Variants in AFAP1 observed in about 807,000 individuals in gnomAD.
The protein encoded by AFAP1 is actin filament-associated protein 1.
In AFAP1, 75 loss-of-function variants were observed where a neutral mutation model predicts 93.9. That is an observed-to-expected ratio of 0.80 (90% CI 0.66 to 0.97). The LOEUF is 0.97. AFAP1 is among the 50% of genes least tolerant of loss of function. The pLI is 0.00. For missense variants in AFAP1, 1,201 were observed against 1,050.8 expected, an observed-to-expected ratio of 1.14 and a Z score of -1.98; for synonymous variants, 517 against 430.7, an observed-to-expected ratio of 1.20 and a Z score of -2.48.
At chr4:7,787,691 G>A (rs1717432460) in intron 11 of AFAP1, among the ~76,000 whole-genome samples, 1 of 152,146 alleles carries the variant, frequency 6.6e-6, no homozygotes, top group South Asian at 2.1e-4. Flanking sequence ...TGAGGGAACG[G>A]CTCACTCCCC....
intron 8 of AFAP1, among the ~76,000 whole-genome samples, chr4:7,812,808 G>T (rs1441210226): frequency 6.6e-6 from 1 of 152,178 alleles, no homozygotes; most frequent in African/African-American, 2.4e-5. Flanking sequence ...TATTATTTAG[G>T]CTACTGGGAG....
At position 7,768,974 on chromosome 4, in the gene AFAP1, G is replaced by A. The variant is rs559522095; in HGVS notation, c.2288C>T (p.Ser763Leu). The A allele has an allele frequency of 2.3e-5, 37 of 1,613,610 alleles. No homozygotes were observed. In the African/African-American group the frequency reaches 2.9e-4, roughly 13 times the overall value. ...ACTGGTGTCACAGCTGGAGATGGGCGAGTTTTCCAGGGTCCGGTGCCGGAA... is the reference window on the plus strand; with the variant it reads ...ACTGGTGTCACAGCTGGAGATGGGCAAGTTTTCCAGGGTCCGGTGCCGGAA... ...PVFRHRTLEN[S>L]PISSCDTSDT... is the part of the protein sequence containing the mutation. Residue 763 changes from serine (S) to leucine (L), a missense_variant, in exon 17 of 18, where the codon TCG (serine) becomes TTG (leucine). By Grantham distance (145) the Ser-to-Leu change is moderately radical. Coordinates refer to ENST00000420658, the MANE Select transcript of AFAP1 (RefSeq NM_001134647.2).
At position 7,839,173 on chromosome 4, in the gene AFAP1, A is replaced by G. The variant is rs140760109; in HGVS notation, c.547-470T>C. On this transcript the variant is annotated intron_variant, in intron 5 of 17. Transcript: ENST00000420658. ...AACATGAAGAAACCCCATCTCTACC[A>G]AAAACATAAAAAATTAGCCAGGCAT... Among the ~76,000 whole-genome samples, 206 of 152,066 alleles carry G rather than the reference A, an allele frequency of 1.4e-3. 1 individual carries two copies. In the East Asian group the frequency reaches 0.034, roughly 25 times the overall value.
intron 4 of AFAP1, among the ~76,000 whole-genome samples, chr4:7,854,566 A>G (rs1048618174): frequency 1.3e-5 from 2 of 152,208 alleles, no homozygotes; most frequent in African/African-American, 2.4e-5. Context: ...CAAAGTCTCT[A>G]TGTGGCAGGT....
chr4:7,896,556 G>C (rs1363756406), intron 1 of AFAP1, among the ~76,000 whole-genome samples: 1 of 142,854 alleles, frequency 7.0e-6, no homozygotes, highest in African/African-American at 2.6e-5. Context: ...CCAGGGCTCA[G>C]TCCTCACTCC....
chr4:7,880,694 C>CA (rs1246625916), intron 1 of AFAP1, among the ~76,000 whole-genome samples: 1 of 152,204 alleles, frequency 6.6e-6, no homozygotes. Flanking sequence ...GACCGCCAGT[C>CA]AAAGCGTTCC....
intron 17 of AFAP1, among the ~76,000 whole-genome samples, chr4:7,765,509 C>A (rs1357569317): frequency 6.6e-6 from 1 of 152,240 alleles, no homozygotes; most frequent in Non-Finnish European, 1.5e-5. Context: ...TCTTCCTTTC[C>A]ATCCATTCAT....
At chr4:7,827,686 AC>A (rs1420233915) in intron 6 of AFAP1, among the ~76,000 whole-genome samples, 1 of 151,684 alleles carries the variant, frequency 6.6e-6, no homozygotes, top group Non-Finnish European at 1.5e-5. Flanking sequence ...AAGAAGCACA[AC>A]CAACCCTGAG....
intron 9 of AFAP1, among the ~76,000 whole-genome samples, chr4:7,801,087 G>GA (rs1431904539): frequency 6.6e-6 from 1 of 151,740 alleles, no homozygotes; most frequent in Non-Finnish European, 1.5e-5. Flanking sequence ...AAGAGTCACA[G>GA]GCAGGCAGAT....
At chr4:7,769,316 T>C (rs1008101147) in intron 16 of AFAP1, among the ~76,000 whole-genome samples, 7 of 152,156 alleles carry the variant, frequency 4.6e-5, no homozygotes, top group Non-Finnish European at 5.9e-5. Context: ...GCTGGGCTCT[T>C]GCATGCAGCT....
At position 7,868,632 on chromosome 4, in the gene AFAP1, T is replaced by G; in HGVS notation, c.215A>C (p.Gln72Pro). Residue 72 changes from glutamine (Q) to proline (P), a missense_variant, in exon 3 of 18, where the codon CAG (glutamine) becomes CCG (proline). Physicochemically the swap from Gln to Pro is moderately conservative, Grantham distance 76. Coordinates refer to ENST00000420658, the MANE Select transcript of AFAP1 (RefSeq NM_001134647.2). ...GGGACCTTGACTCACCAGCCAGGGC[T>G]GAGGGATCTCCGGCAGGGGCATCTG... The part of the protein sequence containing the change: ...PPQMPLPEIP[Q>P]PWLPPDSGPP... The G allele has an allele frequency of 6.2e-7, 1 of 1,612,062 alleles. No homozygotes were observed. Among genetic ancestry groups the G allele is most frequent in the Non-Finnish European group, 8.5e-7 (1 of 1,179,732 alleles).
chr4:7,777,302 G>C (rs1395533967), intron 14 of AFAP1: 2 of 152,232 alleles, frequency 1.3e-5, no homozygotes, highest in African/African-American at 4.8e-5. Context: ...GTAGGAGGGA[G>C]GATTTGGCCC....
chr4:7,925,249 C>T (rs1720662628), intron 1 of AFAP1, among the ~76,000 whole-genome samples: 1 of 152,186 alleles, frequency 6.6e-6, no homozygotes, highest in Non-Finnish European at 1.5e-5. Flanking sequence ...AGATTCCAAG[C>T]CTGGAGAGAC....
At position 7,768,061 on chromosome 4, in the gene AFAP1, C is replaced by T. The variant is rs1053813154; in HGVS notation, c.2418+783G>A. 3.3e-5 allele frequency among the ~76,000 whole-genome samples: 5 copies of T among 152,278 alleles called. No homozygotes were observed. In the East Asian group the frequency reaches 5.8e-4, roughly 18 times the overall value. ...ACTATACTCAGCCTGGGCCAGGGAG[C>T]GAGGCCCTGCCTCAAAAAAAGAAAA... On this transcript the variant is annotated intron_variant, in intron 17 of 17. Transcript: ENST00000420658.
intron 5 of AFAP1, 80 bp from the exon 6 acceptor site, chr4:7,838,783 A>G: frequency 5.3e-6 from 8 of 1,515,266 alleles, no homozygotes; most frequent in Non-Finnish European, 7.2e-6. Flanking sequence ...CATCATGAAA[A>G]CCTGAGTGCG....
intron 3 of AFAP1, 39 bp downstream of exon 3, chr4:7,868,583 T>C: frequency 6.3e-7 from 1 of 1,586,586 alleles, no homozygotes. Flanking sequence ...CCCCCAGGCC[T>C]CCAGCGATGA....
At chr4:7,923,565 G>C (rs752755606) in intron 1 of AFAP1, among the ~76,000 whole-genome samples, 1 of 152,098 alleles carries the variant, frequency 6.6e-6, no homozygotes, top group East Asian at 1.9e-4. Context: ...TGCAACCTCC[G>C]ACTCCCTAGT....
At chr4:7,859,684 T>C (rs1348324934) in intron 3 of AFAP1, among the ~76,000 whole-genome samples, 1 of 152,208 alleles carries the variant, frequency 6.6e-6, no homozygotes, top group Admixed American at 6.5e-5. Flanking sequence ...CGTACATTTC[T>C]GCTGTAAGGT....
intron 1 of AFAP1, 58 bp from the exon 2 acceptor site, chr4:7,872,138 T>A: frequency 6.3e-7 from 1 of 1,595,720 alleles, no homozygotes; most frequent in African/African-American, 1.3e-5. Context: ...TGTCAAAGTA[T>A]GAATACTGAG....
Sources: allele counts gnomAD v4.1 joint callset (sites outside exome capture counted in the v4.1 genomes callset), GRCh38; gene constraint gnomAD v4.1.1; transcripts MANE v1.5; gene names NCBI Gene and HGNC (gene_info 2026-07-23, HGNC 2026-07-21).